SPICE1: variants seen among roughly 807,000 people sequenced by gnomAD.
The protein encoded by SPICE1 is spindle and centriole associated protein 1, also known as spindle and centriole-associated protein 1.
A neutral mutation model predicts 102.7 loss-of-function variants in SPICE1; 75 were observed. The ratio of observed to expected loss-of-function variants is 0.73; its 90% CI spans 0.61 to 0.88. SPICE1 has a LOEUF of 0.88. SPICE1 is among the 40% of genes least tolerant of loss of function. The probability of loss-of-function intolerance (pLI) is 0.00; values close to 1 mark genes in which losing one functional copy is unlikely to be tolerated. For synonymous variants in SPICE1, 308 were observed against 350.3 expected (o/e 0.88, Z 1.35); for missense variants, 979 against 1,020.1 (o/e 0.96, Z 0.55).
chr3:113,498,590 T>G (rs980499936), intron 4 of SPICE1, among the ~76,000 whole-genome samples: 3 of 152,248 alleles, frequency 2.0e-5, no homozygotes, highest in African/African-American at 7.2e-5. Flanking sequence ...CAAGCTCATG[T>G]AAACATTTAT....
chr3:113,465,360 T>G (rs1355194886), intron 11 of SPICE1, among the ~76,000 whole-genome samples: 1 of 152,212 alleles, frequency 6.6e-6, no homozygotes, highest in Non-Finnish European at 1.5e-5. Flanking sequence ...CATTTCACAT[T>G]TTGGATTAAC....
At chr3:113,513,208 A>G (rs368132733) in intron 1 of SPICE1, among the ~76,000 whole-genome samples, 16 of 152,060 alleles carry the variant, frequency 1.1e-4, no homozygotes, top group Admixed American at 1.0e-3. Context: ...GAAGCTCAAG[A>G]CCAGCCTGTG....
intron 1 of SPICE1, 23 bp from the exon 2 acceptor site, chr3:113,506,628 A>G (rs1462991894): frequency 1.7e-5 from 27 of 1,585,698 alleles, no homozygotes; most frequent in East Asian, 2.2e-5. Flanking sequence ...ATCACATCAA[A>G]TTTTTAAAAT....
At chr3:113,463,448 G>C (rs574679223) in intron 11 of SPICE1, among the ~76,000 whole-genome samples, 32 of 152,166 alleles carry the variant, frequency 2.1e-4, no homozygotes, top group African/African-American at 7.5e-4. Context: ...CATATGTTCT[G>C]CAAAAATATG....
chr3:113,456,756 G>A (rs972010771), intron 13 of SPICE1, among the ~76,000 whole-genome samples: 77 of 152,140 alleles, frequency 5.1e-4, no homozygotes, highest in Non-Finnish European at 1.8e-4. Context: ...TAAAGTCACA[G>A]TTTTCACCTT....
chr3:113,453,355 G>T, intron 14 of SPICE1, 111 bp downstream of exon 14: 1 of 1,355,786 alleles, frequency 7.4e-7, no homozygotes, highest in Non-Finnish European at 1.0e-6. Flanking sequence ...AAGCCATCTA[G>T]CCTCAAAGCT....
chr3:113,475,997 C>G (rs1936335803), intron 7 of SPICE1, among the ~76,000 whole-genome samples: 1 of 152,158 alleles, frequency 6.6e-6, no homozygotes, highest in South Asian at 2.1e-4. Flanking sequence ...GTCAAATTGT[C>G]CCTGTTTGCA....
intron 1 of SPICE1, 78 bp from the exon 2 acceptor site, chr3:113,506,683 G>T: frequency 8.0e-6 from 7 of 875,388 alleles, no homozygotes; most frequent in Admixed American, 3.2e-5. Context: ...GAAGACACCT[G>T]AAAAAAAAAA....
chr3:113,448,018 A>G lies in SPICE1; in HGVS notation c.2426+20T>C. On this transcript the variant is annotated intron_variant, in intron 16 of 17. Coordinates refer to ENST00000295872, the MANE Select transcript of SPICE1 (RefSeq NM_144718.4). ...CTTTTTGATTTTTTTTTTTAAATAA[A>G]TATTCACACTGCAACTTACCTTCTT... The G allele has an allele frequency of 1.3e-6, 2 of 1,562,724 alleles. No homozygotes were observed. The highest frequency in any genetic ancestry group is 2.2e-5 in the East Asian group (1 of 44,522).
intron 1 of SPICE1, among the ~76,000 whole-genome samples, chr3:113,506,813 G>C (rs1552432): frequency 0.21 from 32,133 of 152,058 alleles, 3,701 homozygotes; most frequent in African/African-American, 0.3. Context: ...AATAAAAGAG[G>C]TCTCAAGTCA....
intron 4 of SPICE1, among the ~76,000 whole-genome samples, chr3:113,495,842 T>G (rs963340159): frequency 3.3e-5 from 5 of 152,136 alleles, no homozygotes; most frequent in African/African-American, 1.2e-4. Flanking sequence ...AGCATTGACC[T>G]ATCAAAATAA....
intron 12 of SPICE1, chr3:113,459,366 C>A (rs1017231876): frequency 3.0e-6 from 2 of 673,336 alleles, no homozygotes; most frequent in South Asian, 6.7e-5. Context: ...TATTGTCCTA[C>A]GACCCTGCCA....
At chr3:113,448,287 CTTTTT>C in intron 15 of SPICE1, 147 bp from the exon 16 acceptor site, 1 of 473,470 alleles carries the variant, frequency 2.1e-6, no homozygotes, top group Non-Finnish European at 3.4e-6. Flanking sequence ...ACTTGAAAGA[CTTTTT>C]TTTTTTTTTA....
At chr3:113,483,885 G>A (rs58992191) in intron 7 of SPICE1, among the ~76,000 whole-genome samples, 1 of 152,134 alleles carries the variant, frequency 6.6e-6, no homozygotes, top group Non-Finnish European at 1.5e-5. Context: ...GATGATGCTG[G>A]CCTCATAAAA....
intron 11 of SPICE1, among the ~76,000 whole-genome samples, chr3:113,463,753 G>A (rs1935986862): frequency 6.6e-6 from 1 of 152,246 alleles, no homozygotes; most frequent in Admixed American, 6.5e-5. Context: ...GGCAAGAAGA[G>A]AGAATGAAGA....
rs147535635 is a variant in SPICE1, at chr3:113,473,108, A to G, written c.612-3870T>C. 6.6e-4 allele frequency among the ~76,000 whole-genome samples: 101 copies of G among 152,358 alleles called. 4 individuals are homozygous for G. The East Asian group carries it at 0.016, about 24-fold the overall frequency. On this transcript the variant is annotated intron_variant, in intron 7 of 17. Coordinates refer to ENST00000295872, the MANE Select transcript of SPICE1 (RefSeq NM_144718.4). ...GTGCTTAAAGGAGCTGATGGAGCTG[A>G]AAACCAAGGCTCGAGAACTACATGA... is the stretch of plus-strand genomic sequence containing the variant.
chr3:113,505,319 T>C (rs534226798), intron 2 of SPICE1, among the ~76,000 whole-genome samples: 1 of 152,280 alleles, frequency 6.6e-6, no homozygotes, highest in African/African-American at 2.4e-5. Flanking sequence ...CACATATTTT[T>C]TTTTTCCGAT....
At chr3:113,475,941 T>A (rs967503517) in intron 7 of SPICE1, among the ~76,000 whole-genome samples, 1 of 152,024 alleles carries the variant, frequency 6.6e-6, no homozygotes, top group Non-Finnish European at 1.5e-5. Flanking sequence ...CCAGGGCAAT[T>A]AGGCAGGAGA....
intron 16 of SPICE1, 33 bp downstream of exon 16, chr3:113,448,005 T>G: frequency 1.3e-6 from 2 of 1,552,860 alleles, no homozygotes; most frequent in African/African-American, 2.8e-5. Flanking sequence ...TTTTGATTTT[T>G]TTTTTTAAAT....
Sources: gnomAD v4.1 joint callset for allele counts (sites outside exome capture counted in the v4.1 genomes callset) on GRCh38, gnomAD v4.1.1 for gene constraint, MANE v1.5 for transcripts, NCBI Gene and HGNC (gene_info 2026-07-23, HGNC 2026-07-21) for gene names.